The following ANKRD33B variants were observed in gnomAD, a reference collection of about 807,000 sequenced individuals.
ANKRD33B encodes the protein ankyrin repeat domain-containing protein 33B.
ANKRD33B carries 6 observed loss-of-function variants against 21.5 expected under a neutral mutation model. The ratio of observed to expected loss-of-function variants is 0.28; its 90% CI spans 0.15 to 0.55. The LOEUF (loss-of-function observed/expected upper bound fraction) is 0.55. Among genes scored for constraint, ANKRD33B ranks in the 20% least tolerant of loss-of-function variants. The pLI, the probability that ANKRD33B is intolerant of heterozygous loss-of-function variation, is 0.94. For synonymous variants in ANKRD33B, 347 were observed against 342.4 expected (o/e 1.01, Z -0.15); for missense variants, 698 against 747.2 (o/e 0.93, Z 0.77).
intron 1 of ANKRD33B, among the ~76,000 whole-genome samples, chr5:10,586,524 TGTGTGTGTG>T (rs1735565917): frequency 1.4e-5 from 2 of 146,484 alleles, no homozygotes; most frequent in Non-Finnish European, 3.0e-5. Context: ...TGTGTGTGTG[TGTGTGTGTG>T]TATACTGCTT....
intron 2 of ANKRD33B, among the ~76,000 whole-genome samples, chr5:10,632,294 G>A (rs1350734747): frequency 2.0e-5 from 3 of 152,080 alleles, no homozygotes; most frequent in Non-Finnish European, 4.4e-5. Context: ...GCGTGAGGTC[G>A]GTGACTTCCA....
At chr5:10,634,041 T>TAA (rs1736798620) in intron 2 of ANKRD33B, among the ~76,000 whole-genome samples, 1 of 152,258 alleles carries the variant, frequency 6.6e-6, no homozygotes, top group Admixed American at 6.5e-5. Context: ...TTCAGAATTT[T>TAA]TCTTCCAGAT....
chr5:10,602,134 G>A (rs1191468323), intron 1 of ANKRD33B, among the ~76,000 whole-genome samples: 3 of 152,246 alleles, frequency 2.0e-5, no homozygotes, highest in South Asian at 2.1e-4. Context: ...CTGTGTCCCC[G>A]AAGGGGTGAC....
At chr5:10,604,040 G>A (rs907499374) in intron 1 of ANKRD33B, among the ~76,000 whole-genome samples, 9 of 151,186 alleles carry the variant, frequency 6.0e-5, no homozygotes, top group Admixed American at 4.6e-4. Flanking sequence ...AATTACAGGT[G>A]CCTGCCACCA....
At position 10,620,124 on chromosome 5, in the gene ANKRD33B, C is replaced by T. The variant is rs78852276; in HGVS notation, c.496+1662C>T. Among the ~76,000 whole-genome samples the T allele has an allele frequency of 8.9e-3, 1,351 of 152,108 alleles. 20 individuals are homozygous for T. The highest frequency in any genetic ancestry group is 0.03 in the African/African-American group (1,254 of 41,498). On this transcript the variant is annotated intron_variant, in intron 2 of 3. Transcript: ENST00000296657. Reference sequence around the variant, plus strand: ...GGGAATGTATTTCAGTAGCGTGAGGCTGCGTGAGTGGTGACAGGGGTGAGA... The same window carrying T: ...GGGAATGTATTTCAGTAGCGTGAGGTTGCGTGAGTGGTGACAGGGGTGAGA...
chr5:10,648,361 T>C (rs1176686534), intron 3 of ANKRD33B, among the ~76,000 whole-genome samples: 2 of 152,260 alleles, frequency 1.3e-5, no homozygotes, highest in Admixed American at 1.3e-4. Context: ...TTACTGGTCA[T>C]ATTTTTAGAA....
At position 10,618,381 on chromosome 5, in the gene ANKRD33B, G is replaced by T; in HGVS notation, c.415G>T (p.Ala139Ser). 1 of 1,537,750 alleles carries T rather than the reference G, an allele frequency of 6.5e-7. No homozygotes were observed. Among genetic ancestry groups the T allele is most frequent in the Non-Finnish European group, 8.7e-7 (1 of 1,147,014 alleles). ...CCACGGCTTTGTGGATACCGTGGTGGCCTTAGCAGAGTGCCCCCACGTTGA... is the reference window on the plus strand; with the variant it reads ...CCACGGCTTTGTGGATACCGTGGTGTCCTTAGCAGAGTGCCCCCACGTTGA... ...CYHGFVDTVVALAECPHVDVN... is the reference protein window; with the variant it reads ...CYHGFVDTVVSLAECPHVDVN... Residue 139 changes from alanine to serine, a missense_variant, in exon 2 of 4, where the codon GCC becomes TCC. Around this residue, in one of 3 missense-constraint regions of ANKRD33B, gnomAD observed 543 missense variants for 566.5 expected, o/e 0.96. Transcript: ENST00000296657.
chr5:10,599,285 C>G (rs1735881462), intron 1 of ANKRD33B, among the ~76,000 whole-genome samples: 1 of 151,994 alleles, frequency 6.6e-6, no homozygotes, highest in South Asian at 2.1e-4. Flanking sequence ...ACAATTCATC[C>G]ATTAAAGTAT....
intron 1 of ANKRD33B, among the ~76,000 whole-genome samples, chr5:10,598,291 G>A (rs1735859865): frequency 1.3e-5 from 2 of 151,694 alleles, no homozygotes; most frequent in South Asian, 4.1e-4. Flanking sequence ...TTTTGAGATG[G>A]AGTCTTGCTC....
intron 1 of ANKRD33B, among the ~76,000 whole-genome samples, chr5:10,603,890 G>T (rs536929449): frequency 6.6e-6 from 1 of 151,054 alleles, no homozygotes; most frequent in Non-Finnish European, 1.5e-5. Flanking sequence ...AATTTCAAAA[G>T]GAGAACTTTT....
intron 1 of ANKRD33B, among the ~76,000 whole-genome samples, chr5:10,589,666 T>A (rs1458925286): frequency 6.6e-6 from 1 of 152,248 alleles, no homozygotes; most frequent in Non-Finnish European, 1.5e-5. Flanking sequence ...CTGTCTTATC[T>A]TCTTGAGGTC....
chr5:10,651,992 T>C lies in ANKRD33B; in HGVS notation c.*1879T>C, dbSNP rs1274074644. 1 of 152,418 alleles carries C rather than the reference T, an allele frequency of 6.6e-6. No homozygotes were observed. The highest frequency in any genetic ancestry group is 1.5e-5 in the Non-Finnish European group (1 of 68,062). The allele number at this position is 152,418 out of a possible 1,614,324, so 9.4% of individuals were successfully genotyped here. On this transcript the variant is annotated 3_prime_UTR_variant, in exon 4 of 4. Coordinates refer to ENST00000296657, the MANE Select transcript of ANKRD33B (RefSeq NM_001164440.2). Reference sequence around the variant, plus strand: ...TTGAGAACTGCAGATATTAGTTGACTGTGGGTCACCCTCGTGGCCAAGGAG... The same window carrying C: ...TTGAGAACTGCAGATATTAGTTGACCGTGGGTCACCCTCGTGGCCAAGGAG...
intron 1 of ANKRD33B, among the ~76,000 whole-genome samples, chr5:10,602,638 C>T (rs937936227): frequency 2.6e-5 from 4 of 152,168 alleles, no homozygotes; most frequent in African/African-American, 9.7e-5. Flanking sequence ...GAGTGGGAAC[C>T]GCTTTGGCAG....
intron 2 of ANKRD33B, among the ~76,000 whole-genome samples, chr5:10,633,026 G>T (rs1736764280): frequency 6.6e-6 from 1 of 150,502 alleles, no homozygotes; most frequent in South Asian, 2.1e-4. Flanking sequence ...GACCTCAGGT[G>T]ATCCACCCCC....
At chr5:10,632,408 C>T (rs1736743358) in intron 2 of ANKRD33B, among the ~76,000 whole-genome samples, 2 of 152,132 alleles carry the variant, frequency 1.3e-5, no homozygotes, top group South Asian at 2.1e-4. Flanking sequence ...GCCCGGGTGG[C>T]GTGGGTGTCC....
intron 2 of ANKRD33B, among the ~76,000 whole-genome samples, chr5:10,624,350 G>A (rs945737551): frequency 6.6e-6 from 1 of 152,010 alleles, no homozygotes; most frequent in Non-Finnish European, 1.5e-5. Context: ...GACTGGTTTT[G>A]AACTCCTGAC....
intron 1 of ANKRD33B, among the ~76,000 whole-genome samples, chr5:10,571,196 T>C (rs939915224): frequency 6.6e-6 from 1 of 152,004 alleles, no homozygotes; most frequent in African/African-American, 2.4e-5. Context: ...TTTAAAATCT[T>C]ATTTGTTTAT....
rs115936471 is a variant in ANKRD33B at position 10,595,338 on chromosome 5, G to A, written c.367-22995G>A. 8.8e-3 allele frequency among the ~76,000 whole-genome samples: 1,344 copies of A among 152,188 alleles called. 20 individuals carry two copies. Among genetic ancestry groups the A allele is most frequent in the African/African-American group, 0.029 (1,195 of 41,500 alleles). ...AATTGATTCTCTCACAATTCTGGGGGGCAGATGTCTGAAGTCCAGGTGACA... is the reference window on the plus strand; with the variant it reads ...AATTGATTCTCTCACAATTCTGGGGAGCAGATGTCTGAAGTCCAGGTGACA... On this transcript the variant is annotated intron_variant, in intron 1 of 3. Coordinates refer to ENST00000296657, the MANE Select transcript of ANKRD33B (RefSeq NM_001164440.2).
At position 10,612,644 on chromosome 5, in the gene ANKRD33B, T is replaced by A. The variant is rs555248046; in HGVS notation, c.367-5689T>A. ...CAGGAAGTTGTCCCCTCACAGGGAA[T>A]CCATCTCTCTTGCGCCGTTGCAGCT... On this transcript the variant is annotated intron_variant, in intron 1 of 3. Transcript: ENST00000296657. 9.8e-5 allele frequency among the ~76,000 whole-genome samples: 15 copies of A among 152,340 alleles called. 1 individual carries two copies. The South Asian group carries it at 2.7e-3, about 27-fold the overall frequency.
Sources: allele counts gnomAD v4.1 joint callset (sites outside exome capture counted in the v4.1 genomes callset), GRCh38; gene constraint gnomAD v4.1.1; regional missense constraint gnomAD v4.1.1; transcripts MANE v1.5; gene names NCBI Gene and HGNC (gene_info 2026-07-23, HGNC 2026-07-21).